The following MGAT5 variants were observed in gnomAD, a reference collection of about 807,000 sequenced individuals.
The protein encoded by MGAT5 is alpha-1,6-mannosylglycoprotein 6-beta-N-acetylglucosaminyltransferase A.
MGAT5 carries 30 observed loss-of-function variants against 94.3 expected under a neutral mutation model. That is an observed-to-expected ratio of 0.32 (90% CI 0.24 to 0.43). The LOEUF is 0.43. MGAT5 is among the 20% of genes least tolerant of loss of function. The pLI is 1.00. For synonymous variants in MGAT5, 310 were observed against 322.9 expected (o/e 0.96, Z 0.43); for missense variants, 691 against 905.5 (o/e 0.76, Z 3.04).
chr2:134,342,622 C>G (rs1246343942), intron 7 of MGAT5, among the ~76,000 whole-genome samples: 3 of 151,422 alleles, frequency 2.0e-5, no homozygotes, highest in Non-Finnish European at 4.4e-5. Context: ...TGTGGTGGCC[C>G]ATGCCTGTAG....
chr2:134,122,458 T>C (rs1214659716), intron 1 of MGAT5, among the ~76,000 whole-genome samples: 1 of 152,168 alleles, frequency 6.6e-6, no homozygotes, highest in Non-Finnish European at 1.5e-5. Context: ...GTTTAGTTTT[T>C]TTCTCTTGCC....
At chr2:134,312,048 G>A (rs1364113673) in intron 2 of MGAT5, among the ~76,000 whole-genome samples, 7 of 152,094 alleles carry the variant, frequency 4.6e-5, no homozygotes, top group African/African-American at 9.7e-5. Flanking sequence ...CCAGGAGTTC[G>A]AGACCAGCCT....
rs569589912 is a variant in MGAT5 at position 134,233,712 on chromosome 2, T to G, written c.-142-20550T>G. On this transcript the variant is annotated intron_variant, in intron 1 of 16. Coordinates refer to the MGAT5 transcript ENST00000409645. ...GTAACTCTCATCAAGGATCGGTCAC[T>G]AGACTAGGCCCTTTGCAAATTTAAA... Among the ~76,000 whole-genome samples, 8 of 152,324 alleles carry G rather than the reference T, an allele frequency of 5.3e-5. No homozygotes were observed. In the South Asian group the frequency reaches 1.7e-3, roughly 32 times the overall value.
intron 1 of MGAT5, among the ~76,000 whole-genome samples, chr2:134,199,452 A>G (rs1005507517): frequency 1.3e-5 from 2 of 150,136 alleles, no homozygotes; most frequent in African/African-American, 4.9e-5. Flanking sequence ...GGAGGCTGAA[A>G]TTTTAGGGCT....
intron 8 of MGAT5, among the ~76,000 whole-genome samples, chr2:134,346,923 C>T (rs970237063): frequency 6.6e-6 from 1 of 152,024 alleles, no homozygotes; most frequent in Admixed American, 6.5e-5. Context: ...GCAAGGAGCT[C>T]CTGAACATCC....
chr2:134,337,895 T>G (rs1313428677), intron 5 of MGAT5, among the ~76,000 whole-genome samples: 1 of 152,202 alleles, frequency 6.6e-6, no homozygotes, highest in East Asian at 1.9e-4. Flanking sequence ...CTTAGAAGTC[T>G]GCTGTCCTGT....
At chr2:134,275,867 C>T (rs141373441) in intron 2 of MGAT5, among the ~76,000 whole-genome samples, 66 of 152,194 alleles carry the variant, frequency 4.3e-4, no homozygotes, top group African/African-American at 1.5e-3. Flanking sequence ...GGATTACAAG[C>T]ATGAGCCACT....
chr2:134,407,319 C>T (rs1172259069), intron 11 of MGAT5, among the ~76,000 whole-genome samples: 4 of 152,140 alleles, frequency 2.6e-5, no homozygotes, highest in Admixed American at 2.0e-4. Context: ...AGGTTTCATC[C>T]TAGTGAGCAT....
intron 1 of MGAT5, among the ~76,000 whole-genome samples, chr2:134,131,633 C>T (rs931319557): frequency 7.7e-6 from 1 of 129,236 alleles, no homozygotes; most frequent in Non-Finnish European, 1.6e-5. Context: ...CCTCCCTGAA[C>T]TCCCTGTATC....
At chr2:134,374,651 G>A (rs776148982) in intron 10 of MGAT5, among the ~76,000 whole-genome samples, 5 of 152,106 alleles carry the variant, frequency 3.3e-5, no homozygotes, top group East Asian at 1.9e-4. Flanking sequence ...AAAATCCAGC[G>A]GTGGCTGTGC....
chr2:134,193,728 T>TGTGTGTG (rs3034320), intron 1 of MGAT5, among the ~76,000 whole-genome samples: 2 of 146,138 alleles, frequency 1.4e-5, no homozygotes, highest in East Asian at 2.0e-4. Context: ...TGTGTGTGTG[T>TGTGTGTG]TTTGACAAGT....
chr2:134,254,174 T>A lies in MGAT5; in HGVS notation c.-230T>A. Reference sequence around the variant, plus strand: ...CAAATTTAAGAGTTGACATTTTACTTAGAGGTATTCAAGTGAAAACATGGC... The same window carrying A: ...CAAATTTAAGAGTTGACATTTTACTAAGAGGTATTCAAGTGAAAACATGGC... On this transcript the variant is annotated 5_prime_UTR_variant, in exon 1 of 16. Transcript: ENST00000281923. 1 of 591,458 alleles carries A rather than the reference T, an allele frequency of 1.7e-6. No individual in the cohort carries two copies. The highest frequency in any genetic ancestry group is 3.0e-6 in the Non-Finnish European group (1 of 333,648). The allele number at this position is 591,458 out of a possible 1,614,324, so 36.6% of individuals were successfully genotyped here. A position where few individuals can be genotyped will look rare whatever the true frequency, so the allele number is the denominator to read the frequency against.
At chr2:134,191,523 C>G (rs563950432) in intron 1 of MGAT5, among the ~76,000 whole-genome samples, 178 of 151,260 alleles carry the variant, frequency 1.2e-3, no homozygotes, top group African/African-American at 3.3e-3. Context: ...TCCTCCTCCT[C>G]CTCCTCCTTG....
At chr2:134,321,658 C>A (rs561285361) in intron 4 of MGAT5, among the ~76,000 whole-genome samples, 2 of 152,166 alleles carry the variant, frequency 1.3e-5, no homozygotes, top group Non-Finnish European at 2.9e-5. Context: ...GTGTGAAATA[C>A]GCTTCATTAG....
chr2:134,331,294 G>A (rs1209474693), intron 4 of MGAT5, among the ~76,000 whole-genome samples: 1 of 152,122 alleles, frequency 6.6e-6, no homozygotes, highest in Non-Finnish European at 1.5e-5. Context: ...CCTTTCCATG[G>A]AATGTGCATT....
chr2:134,188,578 A>T (rs1421959760), intron 1 of MGAT5, among the ~76,000 whole-genome samples: 1 of 152,266 alleles, frequency 6.6e-6, no homozygotes, highest in African/African-American at 2.4e-5. Context: ...GGTCATTAAC[A>T]GTTGGCATAA....
intron 10 of MGAT5, among the ~76,000 whole-genome samples, chr2:134,396,130 C>T (rs939241206): frequency 6.6e-5 from 10 of 152,152 alleles, no homozygotes; most frequent in African/African-American, 2.2e-4. Flanking sequence ...CAGAGGTGAA[C>T]AGGCTTTGAG....
intron 1 of MGAT5, among the ~76,000 whole-genome samples, chr2:134,188,641 T>C (rs982680950): frequency 1.3e-5 from 2 of 152,238 alleles, no homozygotes; most frequent in African/African-American, 4.8e-5. Context: ...AACTGGTGTG[T>C]AGCACTTGAA....
intron 2 of MGAT5, among the ~76,000 whole-genome samples, chr2:134,316,907 T>C (rs1687028985): frequency 6.6e-6 from 1 of 152,196 alleles, no homozygotes; most frequent in Non-Finnish European, 1.5e-5. Flanking sequence ...CTAGCTAATA[T>C]AAAAGGAGTT....
Sources: allele counts gnomAD v4.1 joint callset (sites outside exome capture counted in the v4.1 genomes callset), GRCh38; gene constraint gnomAD v4.1.1; transcripts MANE v1.5; gene names NCBI Gene and HGNC (gene_info 2026-07-23, HGNC 2026-07-21).